The following GIT1 variants were observed in gnomAD, a reference collection of about 807,000 sequenced individuals.
GIT1 encodes GIT ArfGAP 1.
In GIT1, 14 loss-of-function variants were observed where a neutral mutation model predicts 91.7. The observed-to-expected ratio is 0.15, with a 90% confidence interval of 0.10 to 0.24. The LOEUF (loss-of-function observed/expected upper bound fraction) is 0.24. Among genes scored for constraint, GIT1 ranks in the 10% least tolerant of loss-of-function variants. GIT1 has a pLI of 1.00. For synonymous variants in GIT1, 414 were observed against 418.2 expected, an observed-to-expected ratio of 0.99 and a Z score of 0.12; for missense variants, 717 against 1,024.9, an observed-to-expected ratio of 0.70 and a Z score of 4.10.
At chr17:29,578,429 C>T in intron 8 of GIT1, 58 bp from the exon 9 acceptor site, 1 of 1,478,670 alleles carries the variant, frequency 6.8e-7, no homozygotes, top group South Asian at 1.1e-5. Flanking sequence ...GTGCCAAGGC[C>T]AGCTCCCCAG....
chr17:29,585,841 T>A (rs1040935813), intron 1 of GIT1, among the ~76,000 whole-genome samples: 17 of 152,072 alleles, frequency 1.1e-4, no homozygotes, highest in Admixed American at 2.0e-4. Context: ...GCCCTCCCCC[T>A]GCGCTTCTGG....
chr17:29,576,340 C>T lies in GIT1; in HGVS notation c.1491G>A (p.Gly497=), dbSNP rs375629748. 146 of 1,613,186 alleles carry T rather than the reference C, an allele frequency of 9.1e-5. No homozygotes were observed. The highest frequency in any genetic ancestry group is 1.2e-4 in the Non-Finnish European group (140 of 1,179,946). Residue 497 remains glycine (G), a synonymous_variant, in exon 14 of 20, where the codon GGG becomes GGA. Transcript: ENST00000225394. ...RAEHTPMAPG[G]STHRRDRQAF... is the part of the protein sequence containing the mutation. ...CCTGGCGATCCCTGCGGTGTGTGCT[C>T]CCGCCTGGCGCCATGGGTGTGTGTT...
chr17:29,575,069 G>T lies in GIT1; in HGVS notation c.2073+10C>A. ...CCTCCCACTCCTGGTCCTCTCTTTG[G>T]CCCCTGTACCTTTGGGAAGAGGGAG... is the stretch of plus-strand genomic sequence containing the variant. On this transcript the variant is annotated intron_variant, in intron 19 of 19. Coordinates refer to ENST00000225394, the MANE Select transcript of GIT1 (RefSeq NM_014030.4). The surrounding 1 kb of genome is among the most constrained non-coding windows in gnomAD (Gnocchi z 5.5). The T allele has an allele frequency of 6.3e-7, 1 of 1,581,878 alleles. No homozygotes were observed.
Position 29,577,618 on chromosome 17 carries a change from C to T in GIT1, c.981+27G>A, listed in dbSNP as rs764597513. On this transcript the variant is annotated intron_variant, in intron 10 of 19. Transcript: ENST00000225394. ...GGACCGCGGGGATGAAGTAGACCAC[C>T]CCAGGCCCCCAATCCAGCCCCCTCA... The T allele has an allele frequency of 1.0e-5, 15 of 1,460,136 alleles. No individual in the cohort carries two copies. In the South Asian group the frequency reaches 1.1e-4, roughly 11 times the overall value. The allele number at this position is 1,460,136 out of a possible 1,614,324, so 90.4% of individuals were successfully genotyped here.
intron 1 of GIT1, among the ~76,000 whole-genome samples, chr17:29,585,168 A>C (rs984140065): frequency 6.6e-6 from 1 of 151,828 alleles, no homozygotes; most frequent in African/African-American, 2.4e-5. Context: ...CCTAGCATGC[A>C]CTTCTGGGCT....
chr17:29,575,475 G>A lies in GIT1; in HGVS notation c.1827-5C>T, dbSNP rs1567768087. ...AGAAACCTCTTCCCTTCCAGCCTGA[G>A]GCCCAGGTCCAGAAAACAGAGACAA... On this transcript the variant is annotated splice_region_variant and splice_polypyrimidine_tract_variant and intron_variant, in intron 17 of 19. Transcript: ENST00000225394. The surrounding 1 kb of genome is among the most constrained non-coding windows in gnomAD (Gnocchi z 5.5). 1.3e-6 allele frequency: 2 copies of A among 1,597,902 alleles called. No individual in the cohort carries two copies. Among genetic ancestry groups the A allele is most frequent in the Non-Finnish European group, 8.5e-7 (1 of 1,172,116 alleles).
intron 8 of GIT1, 57 bp from the exon 9 acceptor site, chr17:29,578,428 C>T: frequency 3.4e-6 from 5 of 1,477,392 alleles, no homozygotes; most frequent in Non-Finnish European, 4.7e-6. Context: ...AGTGCCAAGG[C>T]CAGCTCCCCA....
chr17:29,577,055 C>T (rs1598567123), intron 11 of GIT1, 59 bp from the exon 12 acceptor site: 2 of 1,607,218 alleles, frequency 1.2e-6, no homozygotes, highest in African/African-American at 2.7e-5. Flanking sequence ...TCTCTCAGGT[C>T]ACCACTGGCA....
chr17:29,584,579 G>T (rs1043267428), intron 1 of GIT1, among the ~76,000 whole-genome samples: 1 of 152,216 alleles, frequency 6.6e-6, no homozygotes, highest in Non-Finnish European at 1.5e-5. Context: ...GGAGAAAGCA[G>T]CCATTGTGTG....
chr17:29,576,560 T>C lies in GIT1; in HGVS notation c.1342A>G (p.Ser448Gly), dbSNP rs891837274. The C allele has an allele frequency of 1.9e-6, 3 of 1,613,902 alleles. No homozygotes were observed. The African/African-American group carries it at 4.0e-5, about 22-fold the overall frequency. The change falls in exon 13 of 20, where the codon AGT (serine) becomes GGT (glycine). Residue 448 changes from serine (S) to glycine (G), a missense_variant. By Grantham distance (56) the Ser-to-Gly change is moderately conservative. Coordinates refer to ENST00000225394, the MANE Select transcript of GIT1 (RefSeq NM_014030.4). Reference sequence around the variant, plus strand: ...CTCCGGAGCTCGTCGCTCAGGCTACTGTTGACCTTCATGAGCTGCTGCACC... The same window carrying C: ...CTCCGGAGCTCGTCGCTCAGGCTACCGTTGACCTTCATGAGCTGCTGCACC... ...AKVQQLMKVN[S>G]SLSDELRRLQ...
chr17:29,578,766 C>G lies in GIT1; in HGVS notation c.775G>C (p.Glu259Gln), dbSNP rs773085230. 1.2e-6 allele frequency: 2 copies of G among 1,614,048 alleles called. No homozygotes were observed. The highest frequency in any genetic ancestry group is 2.2e-5 in the South Asian group (2 of 91,074). Residue 259 changes from glutamate to glutamine, a missense_variant, in exon 8 of 20, where the codon GAA (glutamate) becomes CAA (glutamine). By Grantham distance (29) the Glu-to-Gln change is conservative. This residue lies in a region of GIT1 where 271 missense variants were observed against 451.6 expected (regional missense o/e 0.60). Transcript: ENST00000225394. The part of the protein sequence containing the change: ...PQMADSLDLS[E>Q]LAKAAKKKLQ... The stretch of plus-strand genomic sequence containing the variant: ...TTCTTCTTAGCAGCTTTGGCCAATT[C>G]GGATAAGTCAAGGCTGAGGGCAGAG...
At chr17:29,576,724 C>T (rs750998511) in intron 12 of GIT1, 50 bp from the exon 13 acceptor site, 1 of 1,607,712 alleles carries the variant, frequency 6.2e-7, no homozygotes, top group African/African-American at 1.3e-5. Context: ...GGGAGGCCAA[C>T]ACCCGCAGGG....
In GIT1 at chr17:29,576,120, G is replaced by C; in HGVS notation, c.1623C>G (p.Asp541Glu). The C allele has an allele frequency of 1.9e-6, 3 of 1,613,742 alleles. No homozygotes were observed. The highest frequency in any genetic ancestry group is 2.5e-6 in the Non-Finnish European group (3 of 1,179,954). ...GGACGTGCACTGAATAGATGGCGTC[G>C]TCCTCTAGCTCCTGGGGATGTTAGC... ...LQPFHSTELE[D>E]DAIYSVHVPA... The change falls in exon 15 of 20, where the codon GAC becomes GAG. Residue 541 changes from aspartate to glutamate, a missense_variant. Physicochemically the swap from Asp to Glu is conservative, Grantham distance 45 (BLOSUM62 2). Transcript: ENST00000225394.
chr17:29,577,781 C>G, intron 9 of GIT1, 39 bp from the exon 10 acceptor site: 1 of 1,309,558 alleles, frequency 7.6e-7, no homozygotes, highest in South Asian at 1.2e-5. Context: ...CCACGGTGGC[C>G]AGGCCCCCAA....
rs1382638656 is a variant in GIT1 at position 29,581,395 on chromosome 17, A to G, written c.719-15T>C. ...ATTCTTGTGATCTGAACAAAAATAAAAATGCCAAGTCACTCACTAGTGCTG... is the reference window on the plus strand; with the variant it reads ...ATTCTTGTGATCTGAACAAAAATAAGAATGCCAAGTCACTCACTAGTGCTG... On this transcript the variant is annotated splice_polypyrimidine_tract_variant and intron_variant, in intron 6 of 19. Transcript: ENST00000225394. This position sits in a 1 kb window ranked among gnomAD's most constrained non-coding sequence, Gnocchi z 4.8. 1 of 1,609,322 alleles carries G rather than the reference A, an allele frequency of 6.2e-7. No individual in the cohort carries two copies. The highest frequency in any genetic ancestry group is 2.2e-5 in the East Asian group (1 of 44,852).
At chr17:29,578,449 A>G in intron 8 of GIT1, 78 bp from the exon 9 acceptor site, 1 of 1,347,384 alleles carries the variant, frequency 7.4e-7, no homozygotes, top group South Asian at 1.2e-5. Context: ...GCATGTTGTG[A>G]GCCTTGGGGA....
At chr17:29,587,237 T>G (rs984622802) in intron 1 of GIT1, among the ~76,000 whole-genome samples, 3 of 152,148 alleles carry the variant, frequency 2.0e-5, no homozygotes, top group African/African-American at 7.2e-5. Flanking sequence ...TGCCGCTGCA[T>G]GCCAGGGCCA....
Position 29,576,151 on chromosome 17 carries a change from G to C in GIT1, c.1612-20C>G. The C allele has an allele frequency of 6.2e-7, 1 of 1,613,240 alleles. No homozygotes were observed. The highest frequency in any genetic ancestry group is 8.5e-7 in the Non-Finnish European group (1 of 1,179,604). Reference sequence around the variant, plus strand: ...TAGCTCCTGGGGATGTTAGCACAGCGAGCGTCATGGTGGACCCTGCGGCAG... The same window carrying C: ...TAGCTCCTGGGGATGTTAGCACAGCCAGCGTCATGGTGGACCCTGCGGCAG... On this transcript the variant is annotated intron_variant, in intron 14 of 19. Transcript: ENST00000225394.
chr17:29,582,289 TC>T (rs1175361673), intron 4 of GIT1, 145 bp from the exon 5 acceptor site: 5 of 634,356 alleles, frequency 7.9e-6, no homozygotes, highest in Non-Finnish European at 1.1e-5. Context: ...GACAGAGGCT[TC>T]CCGCTAGGGG....
Sources: allele counts gnomAD v4.1 joint callset (sites outside exome capture counted in the v4.1 genomes callset), GRCh38; gene constraint gnomAD v4.1.1; regional missense constraint gnomAD v4.1.1; non-coding constraint Gnocchi (gnomAD v3.1); transcripts MANE v1.5; gene names NCBI Gene and HGNC (gene_info 2026-07-23, HGNC 2026-07-21).